MITF: variants seen among roughly 807,000 people sequenced by gnomAD.
MITF encodes melanocyte inducing transcription factor.
A neutral mutation model predicts 60.5 loss-of-function variants in MITF; 17 were observed. The ratio of observed to expected loss-of-function variants is 0.28; its 90% CI spans 0.19 to 0.42. The LOEUF is 0.42. Ranked by LOEUF, MITF falls within the 10% of genes least tolerant of loss-of-function variation. The pLI is 1.00. For missense variants in MITF, 622 were observed against 683.5 expected (o/e 0.91, Z 1.00); for synonymous variants, 260 against 248.5 (o/e 1.05, Z -0.43).
chr3:69,926,681 C>T (rs566403387), intron 2 of MITF, among the ~76,000 whole-genome samples: 1 of 152,124 alleles, frequency 6.6e-6, no homozygotes, highest in African/African-American at 2.4e-5. Context: ...GGGATCTGGA[C>T]GGTCCTGACA....
chr3:69,959,584 C>T (rs2066490093), intron 9 of MITF, among the ~76,000 whole-genome samples, 164 bp downstream of exon 9: 1 of 152,160 alleles, frequency 6.6e-6, no homozygotes, highest in African/African-American at 2.4e-5. Context: ...CTTGTAACCC[C>T]AAAGTCAGTA....
At chr3:69,955,990 C>T (rs984089434) in intron 7 of MITF, among the ~76,000 whole-genome samples, 19 of 152,036 alleles carry the variant, frequency 1.2e-4, no homozygotes, top group Non-Finnish European at 2.2e-4. Flanking sequence ...GTTTTCCCTC[C>T]GCTTAAGTAA....
At chr3:69,799,869 G>T (rs1251603364) in intron 1 of MITF, among the ~76,000 whole-genome samples, 3 of 152,258 alleles carry the variant, frequency 2.0e-5, no homozygotes, top group East Asian at 1.9e-4. Context: ...GTGCTGTGTG[G>T]TTATAAGGGG....
chr3:69,889,884 C>CA (rs1553694566), intron 2 of MITF, among the ~76,000 whole-genome samples: 1 of 152,072 alleles, frequency 6.6e-6, no homozygotes, highest in Non-Finnish European at 1.5e-5. Context: ...TTCCAGTGCT[C>CA]AGCAGCCACA....
chr3:69,885,495 C>A (rs2064592170), intron 2 of MITF, among the ~76,000 whole-genome samples: 1 of 152,010 alleles, frequency 6.6e-6, no homozygotes, highest in South Asian at 2.1e-4. Flanking sequence ...TTTTTAATGT[C>A]ATGAGACCAG....
intron 1 of MITF, among the ~76,000 whole-genome samples, chr3:69,763,093 A>T (rs999377203): frequency 6.6e-6 from 1 of 152,278 alleles, no homozygotes; most frequent in African/African-American, 2.4e-5. Context: ...TGCTGTTAAA[A>T]ATTTCTCATC....
chr3:69,801,436 G>C (rs1375276930), intron 1 of MITF, among the ~76,000 whole-genome samples: 1 of 151,982 alleles, frequency 6.6e-6, no homozygotes, highest in African/African-American at 2.4e-5. Context: ...TTATATCCAG[G>C]GTCACCATCA....
intron 1 of MITF, among the ~76,000 whole-genome samples, chr3:69,742,089 C>T (rs1322587669): frequency 6.6e-6 from 1 of 152,182 alleles, no homozygotes; most frequent in Non-Finnish European, 1.5e-5. Flanking sequence ...CCACCATCAG[C>T]CCTTGCCTGG....
chr3:69,793,412 T>G (rs1436306009), intron 1 of MITF, among the ~76,000 whole-genome samples: 1 of 132,300 alleles, frequency 7.6e-6, no homozygotes, highest in Non-Finnish European at 1.7e-5. Flanking sequence ...ATTTTAGTCA[T>G]TTTAGGTCAT....
chr3:69,957,769 C>G (rs2066435895), intron 8 of MITF, among the ~76,000 whole-genome samples: 1 of 152,228 alleles, frequency 6.6e-6, no homozygotes, highest in South Asian at 2.1e-4. Flanking sequence ...TGCATATCTT[C>G]TTTCCCCGTT....
intron 9 of MITF, among the ~76,000 whole-genome samples, chr3:69,963,674 G>A (rs1441956467): frequency 1.3e-5 from 2 of 152,122 alleles, no homozygotes; most frequent in African/African-American, 4.8e-5. Flanking sequence ...TGTTTCCCAG[G>A]CCACAATGAT....
chr3:69,963,975 T>C (rs533838881), intron 9 of MITF, among the ~76,000 whole-genome samples: 102 of 139,992 alleles, frequency 7.3e-4, no homozygotes, highest in Admixed American at 1.1e-3. Context: ...CTTTTCTTTT[T>C]TTTTTTTTTT....
intron 2 of MITF, among the ~76,000 whole-genome samples, chr3:69,918,930 G>A (rs2065399610): frequency 6.6e-6 from 1 of 152,044 alleles, no homozygotes; most frequent in Admixed American, 6.6e-5. Flanking sequence ...TCTATATTAG[G>A]GAAAAAGAAT....
intron 2 of MITF, among the ~76,000 whole-genome samples, chr3:69,895,511 G>A (rs550388869): frequency 3.5e-4 from 53 of 152,220 alleles, no homozygotes; most frequent in African/African-American, 1.3e-3. Flanking sequence ...TTACACAAAT[G>A]TCCTAAAGTC....
At chr3:69,882,147 A>G (rs973054351) in intron 2 of MITF, among the ~76,000 whole-genome samples, 1 of 152,168 alleles carries the variant, frequency 6.6e-6, no homozygotes, top group African/African-American at 2.4e-5. Context: ...AATTTAAAAT[A>G]TGAAGCTTTA....
intron 2 of MITF, among the ~76,000 whole-genome samples, chr3:69,889,619 T>G (rs2064712873): frequency 6.6e-6 from 1 of 152,074 alleles, no homozygotes; most frequent in African/African-American, 2.4e-5. Context: ...TCCTAAGTCT[T>G]TGTGCTGCCT....
At chr3:69,937,125 A>G in intron 2 of MITF, 1 of 190,998 alleles carries the variant, frequency 5.2e-6, no homozygotes, top group Non-Finnish European at 1.1e-5. Flanking sequence ...AAGGAGAAAA[A>G]ACATCCTGTT....
chr3:69,955,399 A>G (rs996740727), intron 7 of MITF, among the ~76,000 whole-genome samples: 1 of 152,258 alleles, frequency 6.6e-6, no homozygotes, highest in African/African-American at 2.4e-5. Flanking sequence ...CTTTTTAAAT[A>G]GTACTACTAG....
At position 69,870,682 on chromosome 3, in the gene MITF, C is replaced by A. The variant is rs146665442; in HGVS notation, c.105-8452C>A. Among the ~76,000 whole-genome samples, 176 of 151,974 alleles carry A rather than the reference C, an allele frequency of 1.2e-3. 1 individual carries two copies. Among genetic ancestry groups the A allele is most frequent in the African/African-American group, 3.8e-3 (158 of 41,438 alleles). On this transcript the variant is annotated intron_variant, in intron 1 of 9. Coordinates refer to ENST00000352241, the MANE Select transcript of MITF (RefSeq NM_001354604.2). The stretch of plus-strand genomic sequence containing the variant: ...TCTCTTGATCTCGTGATCCACCCAC[C>A]TGGATATATATATTTTTAAATGGCA...
Sources: gnomAD v4.1 joint callset for allele counts (sites outside exome capture counted in the v4.1 genomes callset) on GRCh38, gnomAD v4.1.1 for gene constraint, MANE v1.5 for transcripts, NCBI Gene and HGNC (gene_info 2026-07-23, HGNC 2026-07-21) for gene names.